Variants in NDUFA8 observed in about 807,000 individuals in gnomAD.
NDUFA8 encodes the protein NADH:ubiquinone oxidoreductase subunit A8, also known as NADH dehydrogenase [ubiquinone] 1 alpha subcomplex subunit 8.
A neutral mutation model predicts 20.9 loss-of-function variants in NDUFA8; 16 were observed. The observed-to-expected ratio is 0.77, with a 90% CI of 0.52 to 1.16. The LOEUF is 1.16. Among genes scored for constraint, NDUFA8 ranks in the 50% most tolerant of loss-of-function variants. The pLI, the probability that NDUFA8 is intolerant of heterozygous loss-of-function variation, is 0.00. For missense variants in NDUFA8, 202 were observed against 216.4 expected, an observed-to-expected ratio of 0.93 and a Z score of 0.42; for synonymous variants, 70 against 76.1, an observed-to-expected ratio of 0.92 and a Z score of 0.41.
At chr9:122,139,594 C>T (rs767968385), downstream of NDUFA8, among the ~76,000 whole-genome samples, 37 of 152,170 alleles carry the variant, frequency 2.4e-4, no homozygotes, top group Non-Finnish European at 4.4e-4. Context: ...GCAACTACAC[C>T]CCCTTTTCTC....
intron 3 of NDUFA8, among the ~76,000 whole-genome samples, chr9:122,145,582 A>C (rs974690835): frequency 6.6e-6 from 1 of 152,228 alleles, no homozygotes; most frequent in Non-Finnish European, 1.5e-5. Flanking sequence ...TTGGGAACAG[A>C]GCTTTTGTGT....
At chr9:122,135,258 A>G in the NDUFA8 span, among the ~76,000 whole-genome samples, 6 of 152,232 alleles carry the variant, frequency 3.9e-5, no homozygotes, top group African/African-American at 1.4e-4. Context: ...GGCAATGTAT[A>G]GTCATCTTGT....
At chr9:122,143,516 A>AT (rs1828851633), downstream of NDUFA8, among the ~76,000 whole-genome samples, 1 of 152,230 alleles carries the variant, frequency 6.6e-6, no homozygotes, top group African/African-American at 2.4e-5. Flanking sequence ...GTTAAGGAAC[A>AT]CACCCAAGGT....
At position 122,154,820 on chromosome 9, in the gene NDUFA8, T is replaced by C. The variant is rs540901243; in HGVS notation, c.52-2412A>G. Among the ~76,000 whole-genome samples the C allele has an allele frequency of 7.2e-5, 11 of 152,354 alleles. No homozygotes were observed. In the East Asian group the frequency reaches 1.9e-3, roughly 27 times the overall value. On this transcript the variant is annotated intron_variant, in intron 1 of 3. Transcript: ENST00000373768. Reference sequence around the variant, plus strand: ...AATATAGTTGTTTGGATATTCCTTGTTAAGAAAGCTTCTTTCTAATTCTAA... The same window carrying C: ...AATATAGTTGTTTGGATATTCCTTGCTAAGAAAGCTTCTTTCTAATTCTAA...
chr9:122,140,662 A>T (rs1828805950), downstream of NDUFA8, among the ~76,000 whole-genome samples: 1 of 152,236 alleles, frequency 6.6e-6, no homozygotes, highest in Non-Finnish European at 1.5e-5. Context: ...GAGAGGTAAG[A>T]CACAGCCAGG....
downstream of NDUFA8, among the ~76,000 whole-genome samples, chr9:122,139,537 GT>G (rs1828790862): frequency 6.6e-6 from 1 of 152,302 alleles, no homozygotes; most frequent in South Asian, 2.1e-4. Context: ...CAAAACCAAC[GT>G]TGATTGAATG....
intron 3 of NDUFA8, among the ~76,000 whole-genome samples, chr9:122,146,368 A>T (rs1303720289): frequency 6.6e-6 from 1 of 152,240 alleles, no homozygotes; most frequent in South Asian, 2.1e-4. Flanking sequence ...CTTTCTTACT[A>T]GCATGACTTG....
chr9:122,151,400 G>A (rs1052600769), intron 2 of NDUFA8, among the ~76,000 whole-genome samples: 7 of 152,302 alleles, frequency 4.6e-5, no homozygotes, highest in Middle Eastern at 3.4e-3. Flanking sequence ...TACGAAGTCC[G>A]CCAGCCAGGA....
intron 1 of NDUFA8, 69 bp from the exon 2 acceptor site, chr9:122,152,477 C>T (rs1588294081): frequency 2.7e-6 from 4 of 1,486,914 alleles, no homozygotes; most frequent in Non-Finnish European, 3.7e-6. Context: ...AGCTTTACCT[C>T]ATGCGGGTCA....
At chr9:122,146,292 G>C (rs1332224629) in intron 3 of NDUFA8, among the ~76,000 whole-genome samples, 2 of 152,034 alleles carry the variant, frequency 1.3e-5, no homozygotes, top group Non-Finnish European at 2.9e-5. Context: ...AAAGAGTTAA[G>C]AGAATTTTTT....
the NDUFA8 span, among the ~76,000 whole-genome samples, chr9:122,138,192 A>T: frequency 6.6e-6 from 1 of 152,256 alleles, no homozygotes; most frequent in African/African-American, 2.4e-5. Context: ...AGAGCAGCAG[A>T]ATTGATTAAA....
intron 1 of NDUFA8, among the ~76,000 whole-genome samples, chr9:122,156,259 A>G (rs1324524484): frequency 1.3e-5 from 2 of 152,254 alleles, no homozygotes; most frequent in African/African-American, 4.8e-5. Context: ...TTCTCACAAC[A>G]GCCTCATTGC....
chr9:122,159,406 G>GC (rs1829140600), intron 1 of NDUFA8, among the ~76,000 whole-genome samples: 1 of 152,158 alleles, frequency 6.6e-6, no homozygotes, highest in Non-Finnish European at 1.5e-5. Flanking sequence ...GCGAAAGGGG[G>GC]AGGATTCTAG....
the NDUFA8 span, chr9:122,132,895 C>T: frequency 2.2e-6 from 1 of 455,942 alleles, no homozygotes; most frequent in South Asian, 1.5e-5. Flanking sequence ...TCTCCCAGCT[C>T]CACCAGGGCT....
downstream of NDUFA8, among the ~76,000 whole-genome samples, chr9:122,143,324 T>C (rs1006507119): frequency 1.3e-5 from 2 of 152,142 alleles, no homozygotes; most frequent in Non-Finnish European, 2.9e-5. Context: ...AGGCATAAAA[T>C]GACCCAGTCA....
In NDUFA8 at chr9:122,153,440, A is replaced by T. The variant is rs1829035384; in HGVS notation, c.52-1032T>A. 3.6e-5 allele frequency among the ~76,000 whole-genome samples: 3 copies of T among 83,356 alleles called. No homozygotes were observed. The South Asian group carries it at 1.1e-3, about 30-fold the overall frequency. The allele number at this position is 83,356 out of a possible 152,430, so 54.7% of individuals were successfully genotyped here. Reference sequence around the variant, plus strand: ...TAGTAATAACTAATAATAAAGTACTAAAATCTGCAAATTTTTTAAAAATCA... The same window carrying T: ...TAGTAATAACTAATAATAAAGTACTTAAATCTGCAAATTTTTTAAAAATCA... On this transcript the variant is annotated intron_variant, in intron 1 of 3. Transcript: ENST00000373768.
At chr9:122,139,061 C>A (rs1027063782), downstream of NDUFA8, among the ~76,000 whole-genome samples, 1 of 152,130 alleles carries the variant, frequency 6.6e-6, no homozygotes, top group East Asian at 1.9e-4. Context: ...TGGCAGGAAA[C>A]GTCCCTATGA....
At chr9:122,153,581 C>T (rs187194121) in intron 1 of NDUFA8, among the ~76,000 whole-genome samples, 2 of 151,630 alleles carry the variant, frequency 1.3e-5, no homozygotes, top group East Asian at 2.0e-4. Context: ...TCAGAGAGAA[C>T]TGCAAACTGT....
At chr9:122,136,443 C>T in the NDUFA8 span, among the ~76,000 whole-genome samples, 1 of 5,298 alleles carries the variant, frequency 1.9e-4, no homozygotes, top group South Asian at 0.083. Context: ...TAAATGGCAT[C>T]TTTTATGGTT....
Sources: gnomAD v4.1 joint callset for allele counts (sites outside exome capture counted in the v4.1 genomes callset) on GRCh38, gnomAD v4.1.1 for gene constraint, MANE v1.5 for transcripts, NCBI Gene and HGNC (gene_info 2026-07-23, HGNC 2026-07-21) for gene names.